The following CNIH3 variants were observed in gnomAD, a reference collection of about 807,000 sequenced individuals.
CNIH3 encodes protein cornichon homolog 3.
CNIH3 carries 14 observed loss-of-function variants against 24.1 expected under a neutral mutation model. The observed-to-expected ratio is 0.58, with a 90% CI of 0.38 to 0.91. The LOEUF (loss-of-function observed/expected upper bound fraction) is 0.91. Among genes scored for constraint, CNIH3 ranks in the 40% least tolerant of loss-of-function variants. The pLI, the probability that CNIH3 is intolerant of heterozygous loss-of-function variation, is 0.00. For missense variants in CNIH3, 178 were observed against 196.8 expected (o/e 0.90, Z 0.57); for synonymous variants, 68 against 73.8 (o/e 0.92, Z 0.40).
chr1:224,563,032 G>A (rs1037709818), intron 3 of CNIH3, among the ~76,000 whole-genome samples: 1 of 152,148 alleles, frequency 6.6e-6, no homozygotes, highest in South Asian at 2.1e-4. Context: ...CCTGTGACCT[G>A]GAAATTCCAC....
At chr1:224,443,662 T>G (rs77701309) in intron 1 of CNIH3, among the ~76,000 whole-genome samples, 3,341 of 148,954 alleles carry the variant, frequency 0.022, 63 homozygotes, top group Non-Finnish European at 0.036. Flanking sequence ...CAATTATATA[T>G]ATAGATAGAT....
At chr1:224,671,637 A>T (rs941610466) in intron 1 of CNIH3, among the ~76,000 whole-genome samples, 1 of 152,266 alleles carries the variant, frequency 6.6e-6, no homozygotes, top group African/African-American at 2.4e-5. Context: ...TGGGTGTCAC[A>T]TCATTTGGGA....
intron 1 of CNIH3, among the ~76,000 whole-genome samples, chr1:224,625,670 G>A (rs964152899): frequency 6.6e-6 from 1 of 152,258 alleles, no homozygotes; most frequent in African/African-American, 2.4e-5. Context: ...TAAGTGGAGG[G>A]GAGATGGTGG....
intron 3 of CNIH3, among the ~76,000 whole-genome samples, chr1:224,689,527 T>C (rs1382035310): frequency 2.0e-5 from 3 of 152,202 alleles, no homozygotes; most frequent in Admixed American, 2.0e-4. Flanking sequence ...CCCGTCTCTC[T>C]CGTTTTGAAT....
At chr1:224,651,617 C>A (rs773845205) in intron 1 of CNIH3, among the ~76,000 whole-genome samples, 9 of 152,198 alleles carry the variant, frequency 5.9e-5, no homozygotes, top group Non-Finnish European at 1.2e-4. Context: ...TGCATCTCTG[C>A]ATCTTGCTTT....
At chr1:224,696,878 C>T (rs1343929862) in intron 3 of CNIH3, among the ~76,000 whole-genome samples, 1 of 152,058 alleles carries the variant, frequency 6.6e-6, no homozygotes, top group Non-Finnish European at 1.5e-5. Context: ...GCCTGAGAGT[C>T]CCTCAAAGCG....
At chr1:224,589,615 AC>A (rs1359904216), downstream of CNIH3, among the ~76,000 whole-genome samples, 3 of 152,212 alleles carry the variant, frequency 2.0e-5, no homozygotes, top group African/African-American at 7.2e-5. Flanking sequence ...TCCAAACTCA[AC>A]TTTTGATGAG....
At chr1:224,627,825 C>G (rs1194934427) in intron 1 of CNIH3, among the ~76,000 whole-genome samples, 1 of 152,146 alleles carries the variant, frequency 6.6e-6, no homozygotes, top group Non-Finnish European at 1.5e-5. Context: ...TGCTTTCTGC[C>G]ACTGCCACGA....
intron 1 of CNIH3, among the ~76,000 whole-genome samples, chr1:224,642,010 A>G (rs1352580295): frequency 6.6e-6 from 1 of 152,192 alleles, no homozygotes; most frequent in East Asian, 1.9e-4. Flanking sequence ...TTCAGACTGT[A>G]ATTCCTGCCC....
intron 1 of CNIH3, among the ~76,000 whole-genome samples, chr1:224,442,370 G>C (rs1014353564): frequency 3.3e-5 from 5 of 152,134 alleles, no homozygotes; most frequent in Admixed American, 1.3e-4. Flanking sequence ...GAAAAATAAG[G>C]ATGTACATTT....
At chr1:224,626,918 C>T (rs1683562988) in intron 1 of CNIH3, among the ~76,000 whole-genome samples, 1 of 152,224 alleles carries the variant, frequency 6.6e-6, no homozygotes, top group African/African-American at 2.4e-5. Flanking sequence ...ACTCTGCTCA[C>T]TCCAACCTAC....
In CNIH3 at chr1:224,461,387, C is replaced by T. The variant is rs115342806; in HGVS notation, n.203+26525C>T. On this transcript the variant is annotated intron_variant and non_coding_transcript_variant, in intron 1 of 5. Transcript: ENST00000471578. Reference sequence around the variant, plus strand: ...ATTTTAAACAACATGAGTTTATAGCCAGTATGGCTTTTACTCCCCTTTCTT... The same window carrying T: ...ATTTTAAACAACATGAGTTTATAGCTAGTATGGCTTTTACTCCCCTTTCTT... Among the ~76,000 whole-genome samples, 579 of 152,246 alleles carry T rather than the reference C, an allele frequency of 3.8e-3. 1 individual carries two copies. The highest frequency in any genetic ancestry group is 0.013 in the African/African-American group (556 of 41,542).
chr1:224,448,025 C>T (rs1192516534), intron 1 of CNIH3, among the ~76,000 whole-genome samples: 1 of 152,136 alleles, frequency 6.6e-6, no homozygotes, highest in East Asian at 1.9e-4. Context: ...ATGCTGTTAA[C>T]ATTATATAGT....
rs2125182062 is a variant in CNIH3 at position 224,704,449 on chromosome 1, G to A, written c.198+19606G>A. The stretch of plus-strand genomic sequence containing the variant: ...CCAGAGGCAGGGAGCCATCCCCTGA[G>A]TCTCATTTAACATTTTATTTTGAAA... On this transcript the variant is annotated intron_variant, in intron 3 of 5. Transcript: ENST00000272133. The surrounding 1 kb of genome is among the most constrained non-coding windows in gnomAD (Gnocchi z 4.2). Among the ~76,000 whole-genome samples the A allele has an allele frequency of 6.6e-6, 1 of 152,288 alleles. No homozygotes were observed. Among genetic ancestry groups the A allele is most frequent in the South Asian group, 2.1e-4 (1 of 4,816 alleles).
Position 224,702,891 on chromosome 1 carries a change from CG to C in CNIH3, c.198+18053del, listed in dbSNP as rs979467014. On this transcript the variant is annotated intron_variant, in intron 3 of 5. Coordinates refer to ENST00000272133, the MANE Select transcript of CNIH3 (RefSeq NM_152495.2). ...CTCCTCGGGCCCTGTCCTTGCTGGTCGGGGGAGACTTCGCTGAGATAGTATC... is the reference window on the plus strand; with the variant it reads ...CTCCTCGGGCCCTGTCCTTGCTGGTCGGGGAGACTTCGCTGAGATAGTATC... Among the ~76,000 whole-genome samples, 83 of 152,110 alleles carry C rather than the reference CG, an allele frequency of 5.5e-4. 2 individuals carry two copies. The highest frequency in any genetic ancestry group is 2.0e-3 in the African/African-American group (81 of 41,418).
At chr1:224,548,638 T>C (rs1158150613) in intron 3 of CNIH3, among the ~76,000 whole-genome samples, 3 of 151,946 alleles carry the variant, frequency 2.0e-5, no homozygotes, top group Non-Finnish European at 4.4e-5. Flanking sequence ...CATCCTGTAA[T>C]ATTATTTGTA....
intron 3 of CNIH3, among the ~76,000 whole-genome samples, chr1:224,605,406 G>A (rs1682376718): frequency 6.6e-6 from 1 of 152,098 alleles, no homozygotes; most frequent in Non-Finnish European, 1.5e-5. Flanking sequence ...CTCATTCCTG[G>A]GGTGGGCCAA....
At chr1:224,731,866 G>T (rs1436686822) in intron 4 of CNIH3, among the ~76,000 whole-genome samples, 1 of 152,268 alleles carries the variant, frequency 6.6e-6, no homozygotes, top group Non-Finnish European at 1.5e-5. Context: ...GGAAACAGTA[G>T]TTGCTCAGTG....
At position 224,575,006 on chromosome 1, in the gene CNIH3, G is replaced by A. The variant is rs183759706; in HGVS notation, n.517-8158G>A. 54 of 876,966 alleles carry A rather than the reference G, an allele frequency of 6.2e-5. No individual in the cohort carries two copies. In the East Asian group the frequency reaches 8.7e-4, roughly 14 times the overall value. The allele number at this position is 876,966 out of a possible 1,614,324, so 54.3% of individuals were successfully genotyped here. ...TGGTTAATCAGATTGAGTGCCACCC[G>A]TACCTCACTCAGGAGAAGTTAATCC... On this transcript the variant is annotated intron_variant and non_coding_transcript_variant, in intron 4 of 5. Coordinates refer to the CNIH3 transcript ENST00000471578.
Sources: allele counts gnomAD v4.1 joint callset (sites outside exome capture counted in the v4.1 genomes callset), GRCh38; gene constraint gnomAD v4.1.1; non-coding constraint Gnocchi (gnomAD v3.1); transcripts MANE v1.5; gene names NCBI Gene and HGNC (gene_info 2026-07-23, HGNC 2026-07-21).